Variants in ING3 observed in about 807,000 individuals in gnomAD.
ING3 encodes the protein inhibitor of growth protein 3.
A neutral mutation model predicts 64.8 loss-of-function variants in ING3; 6 were observed. The observed-to-expected ratio is 0.09, with a 90% CI of 0.05 to 0.18. ING3 has a LOEUF of 0.18. Among genes scored for constraint, ING3 ranks in the 10% least tolerant of loss-of-function variants. The pLI, the probability that ING3 is intolerant of heterozygous loss-of-function variation, is 1.00. For missense variants in ING3, 310 were observed against 489.7 expected (o/e 0.63, Z 3.46); for synonymous variants, 170 against 173.7 (o/e 0.98, Z 0.17).
intron 8 of ING3, 74 bp from the exon 9 acceptor site, chr7:120,968,937 A>G (rs1395118625): frequency 5.3e-6 from 5 of 941,156 alleles, no homozygotes; most frequent in Non-Finnish European, 7.8e-6. Flanking sequence ...AAATAAAACT[A>G]TAATTTGTAA....
chr7:120,953,479 T>G (rs969627297), intron 3 of ING3, 75 bp downstream of exon 3: 7 of 816,172 alleles, frequency 8.6e-6, no homozygotes, highest in Non-Finnish European at 8.2e-6. Context: ...AATTAAATAG[T>G]GGTCTGGATA....
In ING3 at chr7:120,959,630, ATTTTTTTTTTTTTTTT is replaced by A. The variant is rs397889009; in HGVS notation, c.267+4024_267+4039del. On this transcript the variant is annotated intron_variant, in intron 4 of 11. Coordinates refer to ENST00000315870, the MANE Select transcript of ING3 (RefSeq NM_019071.3). ...CCTATACTCCTTGTCACTTCCTCAC[ATTTTTTTTTTTTTTTT>A]TTTTTTTTTTTTTTTTTGAGACGGA... is the stretch of plus-strand genomic sequence containing the variant. Among the ~76,000 whole-genome samples, 168 of 55,712 alleles carry A rather than the reference ATTTTTTTTTTTTTTTT, an allele frequency of 3.0e-3. 2 individuals are homozygous for A. Among genetic ancestry groups the A allele is most frequent in the South Asian group, 0.029 (45 of 1,562 alleles). The allele number at this position is 55,712 out of a possible 152,430, so 36.5% of individuals were successfully genotyped here. A position where few individuals can be genotyped will look rare whatever the true frequency, so the allele number is the denominator to read the frequency against.
chr7:120,958,915 T>A (rs1014689045), intron 4 of ING3, among the ~76,000 whole-genome samples: 1 of 152,224 alleles, frequency 6.6e-6, no homozygotes, highest in African/African-American at 2.4e-5. Flanking sequence ...TTATGGCAAT[T>A]GGGGTTCTAT....
At chr7:120,960,348 T>C (rs2525711) in intron 4 of ING3, among the ~76,000 whole-genome samples, 41,984 of 152,052 alleles carry the variant, frequency 0.28, 7,060 homozygotes, top group African/African-American at 0.46. Context: ...TCTAAAGCGG[T>C]GGGAAGCCAG....
At chr7:120,956,379 G>A (rs1199919321) in intron 4 of ING3, 6 of 1,328,388 alleles carry the variant, frequency 4.5e-6, no homozygotes, top group Middle Eastern at 2.9e-4. Context: ...TACTTATGTT[G>A]TCTTTCCTGG....
chr7:120,965,374 T>G (rs2116677075), intron 5 of ING3, among the ~76,000 whole-genome samples: 1 of 152,322 alleles, frequency 6.6e-6, no homozygotes, highest in Non-Finnish European at 1.5e-5. Context: ...CTCTATTTGA[T>G]CTCCTGCTAT....
rs372851862 is a variant in ING3 at position 120,967,962 on chromosome 7, T to G, written c.585T>G (p.Ser195=). 6.2e-7 allele frequency: 1 copy of G among 1,614,024 alleles called. No individual in the cohort carries two copies. The highest frequency in any genetic ancestry group is 8.5e-7 in the Non-Finnish European group (1 of 1,179,992). ...GTCGAAATAATAATTCCACAGCCTC[T>G]TCTAACAATGCCTACAATGTGAATT... The part of the protein sequence containing the change: ...LGCRNNNSTA[S]SNNAYNVNSS... Residue 195 remains serine, a synonymous_variant, in exon 8 of 12, where the codon TCT becomes TCG. Transcript: ENST00000315870.
intron 4 of ING3, among the ~76,000 whole-genome samples, chr7:120,960,596 G>A (rs1795918122): frequency 6.6e-6 from 1 of 152,006 alleles, no homozygotes; most frequent in Admixed American, 6.6e-5. Flanking sequence ...TAAACCAGTA[G>A]TAAACATTTT....
chr7:120,969,770 T>C (rs1796043071), intron 9 of ING3, among the ~76,000 whole-genome samples: 1 of 152,160 alleles, frequency 6.6e-6, no homozygotes, highest in Non-Finnish European at 1.5e-5. Context: ...ATATGCTGGG[T>C]GTTTATACAT....
chr7:120,954,447 G>C (rs756632553), intron 3 of ING3, among the ~76,000 whole-genome samples: 1 of 151,710 alleles, frequency 6.6e-6, no homozygotes, highest in African/African-American at 2.4e-5. Context: ...AAAAAAAAAG[G>C]GTCCACTAAG....
intron 6 of ING3, 25 bp downstream of exon 6, chr7:120,966,722 G>T: frequency 6.4e-7 from 1 of 1,557,344 alleles, no homozygotes; most frequent in South Asian, 1.1e-5. Flanking sequence ...GTGCAGCTAA[G>T]TTTTAAAAAC....
rs1796144554 is a variant in ING3, at chr7:120,977,180, CA to C, written c.*2337del. The C allele has an allele frequency of 6.6e-6, 1 of 152,218 alleles. No homozygotes were observed. Among genetic ancestry groups the C allele is most frequent in the Admixed American group, 6.5e-5 (1 of 15,282 alleles). The allele number at this position is 152,218 out of a possible 1,614,324, so 9.4% of individuals were successfully genotyped here. On this transcript the variant is annotated 3_prime_UTR_variant, in exon 12 of 12. Transcript: ENST00000315870. ...GTATATCAAAATGTTCATGGTGACA[CA>C]TTTGAAGCAATAAATGGCTTAATTA...
At chr7:120,968,139 C>G (rs764959177) in intron 8 of ING3, 48 bp downstream of exon 8, 1 of 1,505,196 alleles carries the variant, frequency 6.6e-7, no homozygotes, top group Admixed American at 1.9e-5. Context: ...TTGTCGGAAT[C>G]ATTGGAAACC....
chr7:120,959,336 A>G (rs1795897684), intron 4 of ING3, among the ~76,000 whole-genome samples: 1 of 152,194 alleles, frequency 6.6e-6, no homozygotes, highest in Non-Finnish European at 1.5e-5. Context: ...AAGTTGAGAG[A>G]CACTCCTCTA....
At chr7:120,959,630 A>ATTTTTTTTTTT (rs397889009) in intron 4 of ING3, among the ~76,000 whole-genome samples, 2 of 55,702 alleles carry the variant, frequency 3.6e-5, no homozygotes, top group African/African-American at 7.3e-5. Context: ...ACTTCCTCAC[A>ATTTTTTTTTTT]TTTTTTTTTT....
At chr7:120,951,104 T>C in intron 1 of ING3, 60 bp from the exon 2 acceptor site, 1 of 1,576,270 alleles carries the variant, frequency 6.3e-7, no homozygotes, top group Non-Finnish European at 8.7e-7. Context: ...ACGCGCGCAG[T>C]GACGTAAGCG....
At chr7:120,951,080 G>A (rs1394185767) in intron 1 of ING3, 84 bp from the exon 2 acceptor site, 2 of 1,544,750 alleles carry the variant, frequency 1.3e-6, no homozygotes, top group Non-Finnish European at 1.8e-6. Flanking sequence ...CGGCCCCCTC[G>A]ACCCCCCTGA....
chr7:120,960,707 T>C (rs1795920005), intron 4 of ING3, among the ~76,000 whole-genome samples: 1 of 152,184 alleles, frequency 6.6e-6, no homozygotes, highest in South Asian at 2.1e-4. Flanking sequence ...TGTTTTAGGG[T>C]TCCGGTAGAA....
chr7:120,957,469 G>GAATCCATA (rs1487468741), intron 4 of ING3, among the ~76,000 whole-genome samples: 1 of 151,962 alleles, frequency 6.6e-6, no homozygotes, highest in Non-Finnish European at 1.5e-5. Context: ...CTAAAGTGGA[G>GAATCCATA]AATCCATACA....
Sources: gnomAD v4.1 joint callset for allele counts (sites outside exome capture counted in the v4.1 genomes callset) on GRCh38, gnomAD v4.1.1 for gene constraint, MANE v1.5 for transcripts, NCBI Gene and HGNC (gene_info 2026-07-23, HGNC 2026-07-21) for gene names.